CNTNAP2: variants seen among roughly 807,000 people sequenced by gnomAD.
The protein encoded by CNTNAP2 is contactin associated protein 2, also known as contactin-associated protein-like 2.
CNTNAP2 carries 98 observed loss-of-function variants against 155.2 expected under a neutral mutation model. The ratio of observed to expected loss-of-function variants is 0.63; its 90% CI spans 0.54 to 0.75. The LOEUF (loss-of-function observed/expected upper bound fraction) is 0.75. Among genes scored for constraint, CNTNAP2 ranks in the 30% least tolerant of loss-of-function variants. The pLI is 0.00. For synonymous variants in CNTNAP2, 651 were observed against 631.2 expected (o/e 1.03, Z -0.47); for missense variants, 1,727 against 1,688.1 (o/e 1.02, Z -0.40).
chr7:146,277,815 G>A (rs1205436436), intron 1 of CNTNAP2, among the ~76,000 whole-genome samples: 1 of 152,128 alleles, frequency 6.6e-6, no homozygotes, highest in Non-Finnish European at 1.5e-5. Context: ...GAAATTTCAT[G>A]AAAAGCTTCC....
At chr7:147,341,073 TG>T (rs1795753196) in intron 9 of CNTNAP2, among the ~76,000 whole-genome samples, 1 of 51,388 alleles carries the variant, frequency 1.9e-5, no homozygotes, top group Non-Finnish European at 3.3e-5. Context: ...TGTGTGTTTG[TG>T]TGTGTGTGTG....
At chr7:147,236,557 C>T (rs1003525379) in intron 8 of CNTNAP2, among the ~76,000 whole-genome samples, 4 of 151,252 alleles carry the variant, frequency 2.6e-5, no homozygotes, top group Admixed American at 6.6e-5. Flanking sequence ...CGTATTCCTT[C>T]AATTTTTTTT....
chr7:146,952,517 G>T (rs533033729), intron 3 of CNTNAP2, among the ~76,000 whole-genome samples: 2 of 152,176 alleles, frequency 1.3e-5, no homozygotes, highest in Admixed American at 1.3e-4. Context: ...ATGATTGTAT[G>T]TTTAGGAAAC....
At chr7:146,703,482 A>G (rs1475244261) in intron 1 of CNTNAP2, among the ~76,000 whole-genome samples, 1 of 152,140 alleles carries the variant, frequency 6.6e-6, no homozygotes, top group Non-Finnish European at 1.5e-5. Flanking sequence ...TTTTTCTAGC[A>G]TTTACTTTAT....
At chr7:146,955,269 C>T (rs540292398) in intron 3 of CNTNAP2, among the ~76,000 whole-genome samples, 1 of 152,084 alleles carries the variant, frequency 6.6e-6, no homozygotes, top group African/African-American at 2.4e-5. Context: ...CATTCATCTT[C>T]TTTTGCTAAA....
At chr7:147,095,890 C>A (rs893922872) in intron 4 of CNTNAP2, among the ~76,000 whole-genome samples, 1 of 152,134 alleles carries the variant, frequency 6.6e-6, no homozygotes, top group Non-Finnish European at 1.5e-5. Context: ...CCTTTAGCAG[C>A]AGCAACAACA....
At chr7:146,586,037 A>G (rs1165071187) in intron 1 of CNTNAP2, among the ~76,000 whole-genome samples, 2 of 152,094 alleles carry the variant, frequency 1.3e-5, no homozygotes, top group Admixed American at 1.3e-4. Flanking sequence ...AAAACAAACA[A>G]AAGAAAACAA....
chr7:146,791,834 C>A (rs1802678682), intron 2 of CNTNAP2, among the ~76,000 whole-genome samples: 2 of 152,200 alleles, frequency 1.3e-5, no homozygotes, highest in Admixed American at 1.3e-4. Flanking sequence ...ATAGATTTCT[C>A]ACTGAGCCTG....
At chr7:146,566,968 A>G (rs556197377) in intron 1 of CNTNAP2, among the ~76,000 whole-genome samples, 1 of 152,272 alleles carries the variant, frequency 6.6e-6, no homozygotes, top group Admixed American at 6.5e-5. Context: ...TAATGAACTT[A>G]TGGCTTCTAC....
At chr7:146,168,772 C>T (rs1257299213) in intron 1 of CNTNAP2, among the ~76,000 whole-genome samples, 1 of 152,100 alleles carries the variant, frequency 6.6e-6, no homozygotes, top group Non-Finnish European at 1.5e-5. Flanking sequence ...CTAGCTTTTA[C>T]CCAAGAACTA....
chr7:146,785,268 G>A (rs11771889), intron 2 of CNTNAP2, among the ~76,000 whole-genome samples: 34,772 of 151,880 alleles, frequency 0.23, 4,454 homozygotes, highest in African/African-American at 0.33. Context: ...GCCACAGAGC[G>A]CAGCCTATAT....
At chr7:147,223,939 CAAAA>C (rs571724956) in intron 8 of CNTNAP2, among the ~76,000 whole-genome samples, 2 of 45,816 alleles carry the variant, frequency 4.4e-5, no homozygotes, top group African/African-American at 7.4e-5. Flanking sequence ...GACTCAATCT[CAAAA>C]AAAAAAAAAA....
chr7:148,198,916 C>T (rs1416874936), intron 18 of CNTNAP2, among the ~76,000 whole-genome samples: 1 of 152,048 alleles, frequency 6.6e-6, no homozygotes, highest in African/African-American at 2.4e-5. Context: ...CATGTGGGTG[C>T]TCAGAGAACA....
intron 1 of CNTNAP2, among the ~76,000 whole-genome samples, chr7:146,427,111 A>T (rs1219527690): frequency 6.6e-6 from 1 of 152,168 alleles, no homozygotes; most frequent in African/African-American, 2.4e-5. Context: ...ATTTTTCAGA[A>T]AAAAAGCAAA....
chr7:147,540,627 T>G (rs1412910122), intron 11 of CNTNAP2, among the ~76,000 whole-genome samples: 1 of 152,138 alleles, frequency 6.6e-6, no homozygotes, highest in Non-Finnish European at 1.5e-5. Flanking sequence ...GGTCAGGAGA[T>G]CGAGAGCATC....
intron 8 of CNTNAP2, among the ~76,000 whole-genome samples, chr7:147,218,179 AC>A (rs1196640278): frequency 5.9e-5 from 9 of 151,710 alleles, no homozygotes; most frequent in South Asian, 4.1e-4. Context: ...TCTTCTTCTT[AC>A]TTTGAGTTTA....
intron 8 of CNTNAP2, among the ~76,000 whole-genome samples, chr7:147,212,002 G>A (rs1803157896): frequency 6.6e-6 from 1 of 152,064 alleles, no homozygotes; most frequent in African/African-American, 2.4e-5. Context: ...AAAAATTCTC[G>A]ACATCACTAA....
chr7:147,588,759 T>C lies in CNTNAP2; in HGVS notation c.1897+26502T>C, dbSNP rs189563816. Reference sequence around the variant, plus strand: ...ACTGACATTTATAGGAATTATGGTATAGCATCAATAATTCACACAACCTCA... The same window carrying C: ...ACTGACATTTATAGGAATTATGGTACAGCATCAATAATTCACACAACCTCA... On this transcript the variant is annotated intron_variant, in intron 12 of 23. Transcript: ENST00000361727. 1.4e-3 allele frequency among the ~76,000 whole-genome samples: 220 copies of C among 152,278 alleles called. 1 individual carries two copies. Among genetic ancestry groups the C allele is most frequent in the African/African-American group, 5.1e-3 (213 of 41,560 alleles).
intron 9 of CNTNAP2, among the ~76,000 whole-genome samples, chr7:147,349,133 T>G (rs1795927755): frequency 6.6e-6 from 1 of 151,944 alleles, no homozygotes; most frequent in Non-Finnish European, 1.5e-5. Flanking sequence ...AAAGAGGATA[T>G]TCAACATTTC....
Sources: allele counts gnomAD v4.1 joint callset (sites outside exome capture counted in the v4.1 genomes callset), GRCh38; gene constraint gnomAD v4.1.1; transcripts MANE v1.5; gene names NCBI Gene and HGNC (gene_info 2026-07-23, HGNC 2026-07-21).